RXYLT1: variants seen among roughly 807,000 people sequenced by gnomAD.
RXYLT1 encodes ribitol xylosyltransferase 1.
Under a neutral mutation model 43.5 loss-of-function variants are expected in RXYLT1, and 41 were observed. That is an observed-to-expected ratio of 0.94 (90% CI 0.73 to 1.22). The LOEUF is 1.22. RXYLT1 is among the 50% of genes most tolerant of loss of function. The pLI, the probability that RXYLT1 is intolerant of heterozygous loss-of-function variation, is 0.00. For missense variants in RXYLT1, 514 were observed against 532.0 expected (o/e 0.97, Z 0.33); for synonymous variants, 166 against 194.4 (o/e 0.85, Z 1.21).
At position 63,809,196 on chromosome 12, in the gene RXYLT1, T is replaced by G. The variant is rs940001118; in HGVS notation, c.*104T>G. On this transcript the variant is annotated 3_prime_UTR_variant, in exon 6 of 6. Coordinates refer to ENST00000261234, the MANE Select transcript of RXYLT1 (RefSeq NM_014254.3). Reference sequence around the variant, plus strand: ...TTTATAGATGTTCTTTAAGGTACCCTTGAAAACTCTACATTATGTATGCCA... The same window carrying G: ...TTTATAGATGTTCTTTAAGGTACCCGTGAAAACTCTACATTATGTATGCCA... The G allele has an allele frequency of 2.3e-5, 19 of 829,890 alleles. No homozygotes were observed. The African/African-American group carries it at 2.8e-4, about 12-fold the overall frequency. The allele number at this position is 829,890 out of a possible 1,614,324, so 51.4% of individuals were successfully genotyped here.
chr12:63,792,222 C>G (rs182828350), intron 3 of RXYLT1, among the ~76,000 whole-genome samples: 15 of 152,318 alleles, frequency 9.8e-5, no homozygotes, highest in Admixed American at 7.8e-4. Flanking sequence ...AATCTAAGAA[C>G]TGATGAGCTA....
chr12:63,805,617 A>G, intron 5 of RXYLT1: 1 of 404,390 alleles, frequency 2.5e-6, no homozygotes, highest in East Asian at 3.8e-5. Flanking sequence ...CTTGAAGAGG[A>G]ACACTGGTAA....
At chr12:63,806,478 A>G (rs1185701684) in intron 5 of RXYLT1, 1 of 152,256 alleles carries the variant, frequency 6.6e-6, no homozygotes, top group Non-Finnish European at 1.5e-5. Flanking sequence ...AGTCTTGTGT[A>G]TATTTGGGAG....
intron 4 of RXYLT1, chr12:63,804,960 T>G: frequency 3.3e-6 from 1 of 301,148 alleles, no homozygotes; most frequent in South Asian, 1.0e-4. Flanking sequence ...CAGCTGCAGA[T>G]GAGTAATGCA....
At chr12:63,790,492 TAC>T (rs1219467604) in intron 3 of RXYLT1, 2 of 152,188 alleles carry the variant, frequency 1.3e-5, no homozygotes, top group Non-Finnish European at 2.9e-5. Flanking sequence ...TTATTGAGAG[TAC>T]AGACTCTGGA....
chr12:63,799,403 C>G (rs1038778673), intron 3 of RXYLT1, among the ~76,000 whole-genome samples: 1 of 145,714 alleles, frequency 6.9e-6, no homozygotes, highest in African/African-American at 2.5e-5. Context: ...TTCCTGGGCT[C>G]AAGTGATCCT....
In RXYLT1 at chr12:63,780,142, CG is replaced by C. The variant is rs1392752600; in HGVS notation, c.169+15del. The C allele has an allele frequency of 7.5e-6, 11 of 1,461,910 alleles. No homozygotes were observed. In the Admixed American group the frequency reaches 3.1e-4, roughly 41 times the overall value. 90.6% of individuals were successfully genotyped at this position (1,461,910 alleles called of 1,614,324 possible). A position where few individuals can be genotyped will look rare whatever the true frequency, so the allele number is the denominator to read the frequency against. The stretch of plus-strand genomic sequence containing the variant: ...AGACGCGGCCGAGGTAGGACTGGGT[CG>C]GCGGCTTCCTTCCGGCTCTGCGCTC... On this transcript the variant is annotated intron_variant, in intron 1 of 5. Transcript: ENST00000261234.
chr12:63,780,956 A>T, intron 1 of RXYLT1, 63 bp from the exon 2 acceptor site: 1 of 1,325,798 alleles, frequency 7.5e-7, no homozygotes, highest in Non-Finnish European at 9.9e-7. Context: ...AATTTAAATG[A>T]TTTGAATTTA....
chr12:63,785,432 T>C (rs1268274501), intron 3 of RXYLT1: 2 of 152,890 alleles, frequency 1.3e-5, no homozygotes, highest in Non-Finnish European at 2.9e-5. Flanking sequence ...TTCATTTTTC[T>C]CTTTCATGTA....
intron 3 of RXYLT1, among the ~76,000 whole-genome samples, chr12:63,793,613 G>C (rs984342783): frequency 1.8e-4 from 27 of 152,248 alleles, no homozygotes; most frequent in African/African-American, 6.0e-4. Context: ...ACATTTAGGA[G>C]ATTTTATATA....
intron 2 of RXYLT1, among the ~76,000 whole-genome samples, chr12:63,783,600 A>T (rs1056584676): frequency 1.3e-5 from 2 of 152,086 alleles, no homozygotes; most frequent in African/African-American, 4.8e-5. Context: ...CCATATTTCT[A>T]TCTGCAGGTT....
At chr12:63,789,082 A>G (rs955495638) in intron 3 of RXYLT1, among the ~76,000 whole-genome samples, 2 of 152,222 alleles carry the variant, frequency 1.3e-5, no homozygotes, top group African/African-American at 2.4e-5. Context: ...ACAGAAACTA[A>G]GAATCCATGC....
chr12:63,804,406 A>T (rs979456430), intron 4 of RXYLT1: 1 of 152,234 alleles, frequency 6.6e-6, no homozygotes, highest in African/African-American at 2.4e-5. Flanking sequence ...CCAAATGCTC[A>T]TAAAAATAGG....
At chr12:63,782,728 C>T (rs1897713654) in intron 2 of RXYLT1, 1 of 400,630 alleles carries the variant, frequency 2.5e-6, no homozygotes, top group Non-Finnish European at 4.9e-6. Flanking sequence ...ATAATCTCTT[C>T]AAAGAGCCCT....
intron 3 of RXYLT1, among the ~76,000 whole-genome samples, chr12:63,789,251 G>A (rs903461139): frequency 2.0e-5 from 3 of 152,192 alleles, no homozygotes; most frequent in Non-Finnish European, 2.9e-5. Flanking sequence ...AGGGAATAGG[G>A]AGGCCCAAGG....
At chr12:63,792,268 C>G (rs1047553714) in intron 3 of RXYLT1, among the ~76,000 whole-genome samples, 1 of 152,144 alleles carries the variant, frequency 6.6e-6, no homozygotes, top group Non-Finnish European at 1.5e-5. Context: ...GAGTTCACAC[C>G]TTATCCAGTG....
intron 3 of RXYLT1, among the ~76,000 whole-genome samples, chr12:63,799,302 CTTTTTTTT>C (rs11312130): frequency 2.8e-5 from 2 of 71,634 alleles, no homozygotes; most frequent in Middle Eastern, 9.4e-3. Context: ...CTTTTCTTTT[CTTTTTTTT>C]TTTTTTTTTT....
In RXYLT1 at chr12:63,794,814, A is replaced by G. The variant is rs1002655384; in HGVS notation, c.429-7277A>G. 3.3e-5 allele frequency among the ~76,000 whole-genome samples: 5 copies of G among 152,078 alleles called. No homozygotes were observed. In the South Asian group the frequency reaches 6.2e-4, roughly 19 times the overall value. The stretch of plus-strand genomic sequence containing the variant: ...TTCATTTAAAAAAAAAATTAAAAAT[A>G]AAACAGAGGGCCGTTCCATAGTTTT... On this transcript the variant is annotated intron_variant, in intron 3 of 5. Transcript: ENST00000261234.
chr12:63,780,467 A>C, intron 1 of RXYLT1: 1 of 1,139,860 alleles, frequency 8.8e-7, no homozygotes, highest in Non-Finnish European at 1.1e-6. Context: ...CGCAAGGTTT[A>C]AGACATCCGT....
Sources: allele counts gnomAD v4.1 joint callset (sites outside exome capture counted in the v4.1 genomes callset), GRCh38; gene constraint gnomAD v4.1.1; transcripts MANE v1.5; gene names NCBI Gene and HGNC (gene_info 2026-07-23, HGNC 2026-07-21).